Variants in MAGI2 observed in about 807,000 individuals in gnomAD.
MAGI2 encodes the protein membrane-associated guanylate kinase, WW and PDZ domain-containing protein 2.
MAGI2 carries 35 observed loss-of-function variants against 133.3 expected under a neutral mutation model. The observed-to-expected ratio is 0.26, with a 90% confidence interval of 0.20 to 0.35. The LOEUF (loss-of-function observed/expected upper bound fraction) is 0.35, where lower values mean the gene tolerates loss of function less well. Among genes scored for constraint, MAGI2 ranks in the 10% least tolerant of loss-of-function variants. The pLI, the probability that MAGI2 is intolerant of heterozygous loss-of-function variation, is 1.00. For missense variants in MAGI2, 1,636 were observed against 1,863.4 expected (o/e 0.88, Z 2.25); for synonymous variants, 729 against 710.6 (o/e 1.03, Z -0.41).
chr7:78,512,236 C>G (rs1055041867), intron 4 of MAGI2, among the ~76,000 whole-genome samples: 2 of 151,826 alleles, frequency 1.3e-5, no homozygotes, highest in African/African-American at 4.8e-5. Flanking sequence ...ACAACCGCTT[C>G]CCTTTATTAT....
chr7:79,027,370 C>T (rs1193122843), intron 1 of MAGI2, among the ~76,000 whole-genome samples: 2 of 150,964 alleles, frequency 1.3e-5, no homozygotes, highest in Admixed American at 1.3e-4. Flanking sequence ...TACCACCCAG[C>T]CTTTAGAAAG....
At chr7:79,026,156 G>A (rs1809861582) in intron 1 of MAGI2, among the ~76,000 whole-genome samples, 1 of 152,060 alleles carries the variant, frequency 6.6e-6, no homozygotes, top group Admixed American at 6.6e-5. Flanking sequence ...AGCCAGATAT[G>A]GGAAAAATAA....
intron 1 of MAGI2, among the ~76,000 whole-genome samples, chr7:79,314,122 C>T (rs921548067): frequency 2.0e-5 from 3 of 152,204 alleles, no homozygotes; most frequent in Admixed American, 6.5e-5. Context: ...TACAGGTGCC[C>T]ACCACCATGC....
chr7:78,537,289 T>C (rs1382138128), intron 3 of MAGI2, among the ~76,000 whole-genome samples: 4 of 152,082 alleles, frequency 2.6e-5, no homozygotes, highest in Non-Finnish European at 5.9e-5. Flanking sequence ...TAATTGCAAA[T>C]TGTGCTGCTA....
chr7:78,442,909 A>G (rs1200112877), intron 6 of MAGI2, among the ~76,000 whole-genome samples: 2 of 152,204 alleles, frequency 1.3e-5, no homozygotes, highest in East Asian at 3.8e-4. Context: ...CAGTTTCCTC[A>G]TTCAGGAAAA....
chr7:79,017,274 G>A (rs1349265758), intron 1 of MAGI2, among the ~76,000 whole-genome samples: 2 of 152,192 alleles, frequency 1.3e-5, no homozygotes, highest in African/African-American at 4.8e-5. Flanking sequence ...TAAAGCTGGG[G>A]CCCATACTGG....
intron 2 of MAGI2, among the ~76,000 whole-genome samples, chr7:78,982,248 TA>T (rs538916939): frequency 1.6e-3 from 244 of 152,080 alleles, no homozygotes; most frequent in African/African-American, 5.8e-3. Context: ...AACTAGCAAT[TA>T]AAAAATTGTC....
intron 20 of MAGI2, among the ~76,000 whole-genome samples, chr7:78,116,233 C>T (rs11763513): frequency 0.16 from 24,751 of 151,840 alleles, 2,109 homozygotes; most frequent in South Asian, 0.22. Context: ...GAAGAAATCA[C>T]AGTGGAAATT....
At chr7:78,309,069 A>G (rs376568301) in intron 9 of MAGI2, among the ~76,000 whole-genome samples, 5 of 152,244 alleles carry the variant, frequency 3.3e-5, no homozygotes, top group African/African-American at 9.6e-5. Flanking sequence ...AGAAAAGGGA[A>G]TACTTACACA....
At chr7:78,778,326 G>A (rs2151333864) in intron 2 of MAGI2, among the ~76,000 whole-genome samples, 1 of 152,264 alleles carries the variant, frequency 6.6e-6, no homozygotes, top group South Asian at 2.1e-4. Flanking sequence ...TCCACTCAGT[G>A]TCACTTTCCC....
rs966051 is a variant in MAGI2, at chr7:78,591,559, G to A, written c.538+35561C>T. On this transcript the variant is annotated intron_variant, in intron 3 of 21. Transcript: ENST00000354212. ...CCAATGGCGGAGCCCTAACATCCAC[G>A]TAGCCTCTAGCTAAGGAAACAAGCA... Among the ~76,000 whole-genome samples, 523 of 152,318 alleles carry A rather than the reference G, an allele frequency of 3.4e-3. 5 individuals carry two copies. The highest frequency in any genetic ancestry group is 0.011 in the African/African-American group (455 of 41,576).
intron 2 of MAGI2, among the ~76,000 whole-genome samples, chr7:78,915,987 A>T (rs1403008008): frequency 6.6e-6 from 1 of 152,094 alleles, no homozygotes; most frequent in Non-Finnish European, 1.5e-5. Flanking sequence ...ATTAAGAATC[A>T]TCATTATTGT....
chr7:78,870,185 A>G (rs1779618220), intron 2 of MAGI2, among the ~76,000 whole-genome samples: 1 of 151,980 alleles, frequency 6.6e-6, no homozygotes, highest in South Asian at 2.1e-4. Context: ...CTCCATCTCA[A>G]CAAAAAATAC....
At chr7:78,465,140 C>A (rs994577309) in intron 6 of MAGI2, among the ~76,000 whole-genome samples, 1 of 152,138 alleles carries the variant, frequency 6.6e-6, no homozygotes, top group African/African-American at 2.4e-5. Flanking sequence ...TCTGTGTCCT[C>A]AGCGTTAATT....
At chr7:78,691,984 A>G (rs1311452261) in intron 2 of MAGI2, among the ~76,000 whole-genome samples, 2 of 152,160 alleles carry the variant, frequency 1.3e-5, no homozygotes, top group East Asian at 3.9e-4. Context: ...TAATGGGAAA[A>G]GTTTTGCATG....
At position 78,497,699 on chromosome 7, in the gene MAGI2, T is replaced by C. The variant is rs181437400; in HGVS notation, c.965+3878A>G. Among the ~76,000 whole-genome samples, 3 of 151,714 alleles carry C rather than the reference T, an allele frequency of 2.0e-5. No individual in the cohort carries two copies. The East Asian group carries it at 5.8e-4, about 29-fold the overall frequency. On this transcript the variant is annotated intron_variant, in intron 5 of 21. Coordinates refer to ENST00000354212, the MANE Select transcript of MAGI2 (RefSeq NM_012301.4). The stretch of plus-strand genomic sequence containing the variant: ...ATCTAATGTTTCACTGTAGAGTTCC[T>C]TTATGCTATTCAGAAATAACTATTC...
At chr7:78,259,385 G>A (rs976017776) in intron 9 of MAGI2, among the ~76,000 whole-genome samples, 1 of 152,112 alleles carries the variant, frequency 6.6e-6, no homozygotes, top group African/African-American at 2.4e-5. Context: ...TCAATCCTCT[G>A]TGACTCAGAT....
chr7:79,333,416 G>A (rs1317806088), intron 1 of MAGI2, among the ~76,000 whole-genome samples: 3 of 152,004 alleles, frequency 2.0e-5, no homozygotes, highest in Admixed American at 6.6e-5. Context: ...GTGAGCCACC[G>A]CACCCGGCCT....
At chr7:78,421,796 C>T (rs932562362) in intron 6 of MAGI2, among the ~76,000 whole-genome samples, 12 of 152,042 alleles carry the variant, frequency 7.9e-5, no homozygotes, top group African/African-American at 2.7e-4. Context: ...CAAGTGAGAC[C>T]CTGGTCTCAA....
Sources: gnomAD v4.1 joint callset for allele counts (sites outside exome capture counted in the v4.1 genomes callset) on GRCh38, gnomAD v4.1.1 for gene constraint, MANE v1.5 for transcripts, NCBI Gene and HGNC (gene_info 2026-07-23, HGNC 2026-07-21) for gene names.